BASP1: variants seen among roughly 807,000 people sequenced by gnomAD.
The protein encoded by BASP1 is brain acid soluble protein 1.
In BASP1, 1 loss-of-function variant was observed where a neutral mutation model predicts 2.2. The ratio of observed to expected loss-of-function variants is 0.46; its 90% CI spans 0.16 to 2.17. The LOEUF is 2.17. Among genes scored for constraint, BASP1 ranks in the 30% most tolerant of loss-of-function variants. The probability of loss-of-function intolerance (pLI) is 0.27; values close to 1 mark genes in which losing one functional copy is unlikely to be tolerated. For synonymous variants in BASP1, 187 were observed against 154.2 expected (o/e 1.21, Z -1.58); for missense variants, 352 against 327.2 (o/e 1.08, Z -0.58).
At chr5:17,245,827 A>G (rs940076647) in intron 1 of BASP1, among the ~76,000 whole-genome samples, 5 of 152,160 alleles carry the variant, frequency 3.3e-5, no homozygotes, top group African/African-American at 1.2e-4. Context: ...AGGATAACTC[A>G]GGGGGTAGCA....
intron 1 of BASP1, among the ~76,000 whole-genome samples, chr5:17,250,666 C>A (rs1278529310): frequency 6.6e-6 from 1 of 151,926 alleles, no homozygotes; most frequent in African/African-American, 2.4e-5. Context: ...GTGCAGTGGC[C>A]CGATCTCGGC....
In BASP1 at chr5:17,275,582, T is replaced by TGCTGAGGCC; in HGVS notation, c.369_377dup (p.Glu124_Ala126dup). On this transcript the variant is annotated inframe_insertion, in exon 2 of 2. Coordinates refer to ENST00000322611, the MANE Select transcript of BASP1 (RefSeq NM_006317.5). The surrounding 1 kb of genome is among the most constrained non-coding windows in gnomAD (Gnocchi z 5.3). ...CTGCGGGCGGCGAGGCCCCCAAAGCTGCTGAGGCCGCCGCGGCCCCGGCCG... is the reference window on the plus strand; with the variant it reads ...CTGCGGGCGGCGAGGCCCCCAAAGCTGCTGAGGCCGCTGAGGCCGCCGCGGCCCCGGCCG... 1 of 1,402,264 alleles carries TGCTGAGGCC rather than the reference T, an allele frequency of 7.1e-7. No individual in the cohort carries two copies. The highest frequency in any genetic ancestry group is 3.0e-5 in the East Asian group (1 of 33,200). 86.9% of individuals were successfully genotyped at this position (1,402,264 alleles called of 1,614,324 possible).
At chr5:17,240,353 G>A (rs1739838229) in intron 1 of BASP1, among the ~76,000 whole-genome samples, 1 of 151,968 alleles carries the variant, frequency 6.6e-6, no homozygotes, top group African/African-American at 2.4e-5. Flanking sequence ...TGGCCAACAT[G>A]GTGAAATCCT....
At chr5:17,226,075 T>G (rs971437708) in intron 1 of BASP1, among the ~76,000 whole-genome samples, 4 of 152,214 alleles carry the variant, frequency 2.6e-5, no homozygotes, top group African/African-American at 9.6e-5. Flanking sequence ...ACATTTAAAA[T>G]GACATATTGA....
rs1317084620 is a variant in BASP1 at position 17,260,945 on chromosome 5, G to C, written c.-9-14263G>C. 6.6e-6 allele frequency among the ~76,000 whole-genome samples: 1 copy of C among 152,220 alleles called. No individual in the cohort carries two copies. Among genetic ancestry groups the C allele is most frequent in the African/African-American group, 2.4e-5 (1 of 41,458 alleles). ...AATCCCAGCACTTTGGGAGACCAGGGTGGGAGGATTGATTGCTTGAGCTCA... is the reference window on the plus strand; with the variant it reads ...AATCCCAGCACTTTGGGAGACCAGGCTGGGAGGATTGATTGCTTGAGCTCA... On this transcript the variant is annotated intron_variant, in intron 1 of 1. Transcript: ENST00000322611. The surrounding 1 kb of genome is among the most constrained non-coding windows in gnomAD (Gnocchi z 4.2).
chr5:17,265,573 CCA>C (rs1220775804), intron 1 of BASP1, among the ~76,000 whole-genome samples: 3 of 152,136 alleles, frequency 2.0e-5, no homozygotes, highest in Admixed American at 1.3e-4. Context: ...CTTAGACCTG[CCA>C]CAAAGCACTG....
At chr5:17,227,144 T>A (rs573453193) in intron 1 of BASP1, among the ~76,000 whole-genome samples, 1 of 152,032 alleles carries the variant, frequency 6.6e-6, no homozygotes, top group Admixed American at 6.5e-5. Flanking sequence ...TTGGTCAGGC[T>A]GGTCTTGAAC....
intron 1 of BASP1, among the ~76,000 whole-genome samples, chr5:17,221,503 C>T (rs544487365): frequency 4.0e-5 from 6 of 151,760 alleles, no homozygotes; most frequent in Admixed American, 2.0e-4. Flanking sequence ...GTAGTTTGTA[C>T]CTACTTATTT....
Position 17,236,891 on chromosome 5 carries a change from A to G in BASP1, c.-10+19081A>G, listed in dbSNP as rs1739757937. Among the ~76,000 whole-genome samples the G allele has an allele frequency of 6.6e-6, 1 of 152,234 alleles. No individual in the cohort carries two copies. The highest frequency in any genetic ancestry group is 1.5e-5 in the Non-Finnish European group (1 of 68,034). On this transcript the variant is annotated intron_variant, in intron 1 of 1. Transcript: ENST00000322611. This position sits in a 1 kb window ranked among gnomAD's most constrained non-coding sequence, Gnocchi z 4.0. Reference sequence around the variant, plus strand: ...CTTAATAGGCAGTCGATGTAAATAAAACAAAATTCTGTATATTTAAAAAGC... The same window carrying G: ...CTTAATAGGCAGTCGATGTAAATAAGACAAAATTCTGTATATTTAAAAAGC...
intron 1 of BASP1, among the ~76,000 whole-genome samples, chr5:17,271,349 T>C (rs767218038): frequency 6.6e-6 from 1 of 152,202 alleles, no homozygotes; most frequent in East Asian, 1.9e-4. Context: ...CTTGAACTCC[T>C]GACCTCAAGT....
intron 1 of BASP1, among the ~76,000 whole-genome samples, chr5:17,239,056 A>G (rs910077893): frequency 6.6e-6 from 1 of 151,954 alleles, no homozygotes; most frequent in Admixed American, 6.6e-5. Context: ...CTTGATATCA[A>G]TCAACACTTG....
chr5:17,223,612 G>C (rs1377184920), intron 1 of BASP1, among the ~76,000 whole-genome samples: 1 of 152,150 alleles, frequency 6.6e-6, no homozygotes, highest in Non-Finnish European at 1.5e-5. Flanking sequence ...ATACAACCCA[G>C]CCTCCATACT....
At chr5:17,247,247 T>C (rs915961625) in intron 1 of BASP1, among the ~76,000 whole-genome samples, 1 of 152,212 alleles carries the variant, frequency 6.6e-6, no homozygotes, top group Non-Finnish European at 1.5e-5. Flanking sequence ...GCAAGGTTTG[T>C]CTTTTAAATG....
At chr5:17,223,998 T>C (rs998030006) in intron 1 of BASP1, among the ~76,000 whole-genome samples, 1 of 152,322 alleles carries the variant, frequency 6.6e-6, no homozygotes, top group Non-Finnish European at 1.5e-5. Flanking sequence ...TTGTGATCTA[T>C]TGACAAATCT....
In BASP1 at chr5:17,264,264, A is replaced by T. The variant is rs373606301; in HGVS notation, c.-9-10944A>T. On this transcript the variant is annotated intron_variant, in intron 1 of 1. Transcript: ENST00000322611. ...TGTTGTGCTTTTTTATTGTTTGTAA[A>T]TTCTTTTCTTTATATAAAAAAGAAT... Among the ~76,000 whole-genome samples the T allele has an allele frequency of 2.6e-5, 4 of 152,166 alleles. No individual in the cohort carries two copies. The East Asian group carries it at 7.7e-4, about 29-fold the overall frequency.
chr5:17,257,834 T>C (rs561035226), intron 1 of BASP1, among the ~76,000 whole-genome samples: 1 of 152,312 alleles, frequency 6.6e-6, no homozygotes, highest in South Asian at 2.1e-4. Flanking sequence ...GGGCAGGCTA[T>C]AAACCTTGAA....
intron 1 of BASP1, among the ~76,000 whole-genome samples, chr5:17,219,319 A>G (rs1739344082): frequency 6.6e-6 from 1 of 152,044 alleles, no homozygotes; most frequent in Admixed American, 6.5e-5. Flanking sequence ...TTTGCCCTAA[A>G]TGTTGCGGGA....
At chr5:17,261,846 A>C (rs770327200) in intron 1 of BASP1, among the ~76,000 whole-genome samples, 1 of 152,092 alleles carries the variant, frequency 6.6e-6, no homozygotes, top group Non-Finnish European at 1.5e-5. Context: ...CGTTACCAAC[A>C]CTCTCTGGTA....
chr5:17,219,313 C>T (rs1434048760), intron 1 of BASP1, among the ~76,000 whole-genome samples: 1 of 152,212 alleles, frequency 6.6e-6, no homozygotes, highest in Non-Finnish European at 1.5e-5. Context: ...AAGGCGTTTG[C>T]CCTAAATGTT....
Sources: allele counts gnomAD v4.1 joint callset (sites outside exome capture counted in the v4.1 genomes callset), GRCh38; gene constraint gnomAD v4.1.1; non-coding constraint Gnocchi (gnomAD v3.1); transcripts MANE v1.5; gene names NCBI Gene and HGNC (gene_info 2026-07-23, HGNC 2026-07-21).